Variants in PCDHGA4 observed in about 807,000 individuals in gnomAD.
The protein encoded by PCDHGA4 is protocadherin gamma subfamily A, 4.
Under a neutral mutation model 54.6 loss-of-function variants are expected in PCDHGA4, and 38 were observed. That is an observed-to-expected ratio of 0.70 (90% CI 0.54 to 0.91). The LOEUF (loss-of-function observed/expected upper bound fraction) is 0.91, where lower values mean the gene tolerates loss of function less well. Ranked by LOEUF, PCDHGA4 falls within the 40% of genes least tolerant of loss-of-function variation. PCDHGA4 has a pLI of 0.00. For synonymous variants in PCDHGA4, 511 were observed against 512.9 expected, an observed-to-expected ratio of 1.00 and a Z score of 0.05; for missense variants, 1,298 against 1,220.9, an observed-to-expected ratio of 1.06 and a Z score of -0.94.
Position 141,432,731 on chromosome 5 carries a change from G to C in PCDHGA4, c.2515-62076G>C, listed in dbSNP as rs1244820860. On this transcript the variant is annotated intron_variant, in intron 1 of 3. Coordinates refer to ENST00000571252, the MANE Select transcript of PCDHGA4 (RefSeq NM_018917.4). This position sits in a 1 kb window ranked among gnomAD's most constrained non-coding sequence, Gnocchi z 6.0. ...CGGCCAGCCCCCTCTCTCCGCCACT[G>C]TCACGCTCACCGTGGCCGTGGCCGA... The C allele has an allele frequency of 6.2e-7, 1 of 1,614,068 alleles. No homozygotes were observed.
chr5:141,474,208 A>C (rs1243312558), intron 1 of PCDHGA4, among the ~76,000 whole-genome samples: 1 of 152,242 alleles, frequency 6.6e-6, no homozygotes, highest in Non-Finnish European at 1.5e-5. Context: ...TGATTTTCAA[A>C]AACCAGATTG....
chr5:141,466,885 G>A (rs997982577), intron 1 of PCDHGA4, among the ~76,000 whole-genome samples: 3 of 151,938 alleles, frequency 2.0e-5, no homozygotes, highest in Non-Finnish European at 4.4e-5. Context: ...TTCATAATAT[G>A]CATTTTCCAT....
At chr5:141,404,917 G>C in intron 1 of PCDHGA4, 1 of 1,613,772 alleles carries the variant, frequency 6.2e-7, no homozygotes, top group Non-Finnish European at 8.5e-7. Flanking sequence ...CCCCTCTCTC[G>C]GCCACTGTCA....
At chr5:141,363,766 C>T (rs532729519) in intron 1 of PCDHGA4, among the ~76,000 whole-genome samples, 1 of 152,236 alleles carries the variant, frequency 6.6e-6, no homozygotes, top group South Asian at 2.1e-4. Context: ...TGCAAATAAG[C>T]ACGTTTTCCT....
intron 2 of PCDHGA4, among the ~76,000 whole-genome samples, chr5:141,504,259 G>A (rs1325093588): frequency 6.6e-6 from 1 of 152,126 alleles, no homozygotes; most frequent in Non-Finnish European, 1.5e-5. Flanking sequence ...TTATGGTTTA[G>A]TATTTTTTTA....
chr5:141,365,585 A>G (rs749384821), intron 1 of PCDHGA4: 2 of 1,613,578 alleles, frequency 1.2e-6, no homozygotes, highest in Non-Finnish European at 1.7e-6. Context: ...TTCAGATTAT[A>G]ATATCACTTT....
At chr5:141,410,523 A>G (rs2095403267) in intron 1 of PCDHGA4, 3 of 1,613,800 alleles carry the variant, frequency 1.9e-6, no homozygotes, top group South Asian at 2.2e-5. Flanking sequence ...GTGCCCCTAC[A>G]TTCCAATGAA....
At chr5:141,498,919 C>A (rs897611505) in intron 2 of PCDHGA4, among the ~76,000 whole-genome samples, 1 of 122,240 alleles carries the variant, frequency 8.2e-6, no homozygotes. Context: ...GGTGACAGAG[C>A]GAGACTCCAT....
At chr5:141,375,038 G>T in intron 1 of PCDHGA4, 1 of 1,614,038 alleles carries the variant, frequency 6.2e-7, no homozygotes, top group Non-Finnish European at 8.5e-7. Context: ...TGAGCTGGGT[G>T]TTGAAGCCCG....
At chr5:141,470,552 T>G (rs1303190360) in intron 1 of PCDHGA4, among the ~76,000 whole-genome samples, 1 of 151,966 alleles carries the variant, frequency 6.6e-6, no homozygotes, top group East Asian at 1.9e-4. Flanking sequence ...TTATTGAGAG[T>G]TTCCTCTGTG....
chr5:141,419,375 T>G (rs755252910), intron 1 of PCDHGA4: 1 of 1,613,728 alleles, frequency 6.2e-7, no homozygotes, highest in Admixed American at 1.7e-5. Context: ...GTCCTACGTG[T>G]CCGTGAGCGC....
chr5:141,414,725 T>C (rs1303775655), intron 1 of PCDHGA4: 8 of 1,613,970 alleles, frequency 5.0e-6, no homozygotes, highest in African/African-American at 1.3e-5. Flanking sequence ...GACACTGGCG[T>C]CCTGTATGCA....
intron 1 of PCDHGA4, chr5:141,390,297 G>A (rs1313373310): frequency 6.2e-7 from 1 of 1,613,826 alleles, no homozygotes; most frequent in East Asian, 2.2e-5. Context: ...TTTCCTTTAA[G>A]TATAATTTAA....
intron 1 of PCDHGA4, among the ~76,000 whole-genome samples, chr5:141,369,284 A>ACT (rs1230564029): frequency 6.6e-6 from 1 of 152,194 alleles, no homozygotes; most frequent in Non-Finnish European, 1.5e-5. Flanking sequence ...TCACTCCCCA[A>ACT]TCCTAATAAC....
intron 1 of PCDHGA4, chr5:141,419,661 A>G (rs1363084793): frequency 2.5e-6 from 4 of 1,612,714 alleles, no homozygotes; most frequent in East Asian, 2.2e-5. Flanking sequence ...TCGGGGCACA[A>G]TGCCTGGCTG....
chr5:141,408,973 T>C (rs754120948), intron 1 of PCDHGA4: 8 of 1,613,718 alleles, frequency 5.0e-6, no homozygotes, highest in South Asian at 1.1e-5. Context: ...ATCTGCCCCC[T>C]GGGTCCCCTG....
At chr5:141,415,736 TAAGG>T (rs2095905512) in intron 1 of PCDHGA4, 1 of 1,289,864 alleles carries the variant, frequency 7.8e-7, no homozygotes, top group Admixed American at 3.4e-5. Flanking sequence ...TGATGTTTAT[TAAGG>T]TTTTTTTTTT....
intron 1 of PCDHGA4, among the ~76,000 whole-genome samples, chr5:141,420,713 G>GT (rs1303648273): frequency 3.3e-5 from 5 of 152,078 alleles, no homozygotes; most frequent in African/African-American, 1.2e-4. Context: ...CAGAAATGTC[G>GT]TTCCTTTCAG....
At chr5:141,445,751 G>A (rs1211416281) in intron 1 of PCDHGA4, among the ~76,000 whole-genome samples, 1 of 152,102 alleles carries the variant, frequency 6.6e-6, no homozygotes, top group East Asian at 1.9e-4. Context: ...AAAAATAAAA[G>A]GTGTGACTCA....
Sources: allele counts gnomAD v4.1 joint callset (sites outside exome capture counted in the v4.1 genomes callset), GRCh38; gene constraint gnomAD v4.1.1; non-coding constraint Gnocchi (gnomAD v3.1); transcripts MANE v1.5; gene names NCBI Gene and HGNC (gene_info 2026-07-23, HGNC 2026-07-21).